FLOT1: variants seen among roughly 807,000 people sequenced by gnomAD.
The protein encoded by FLOT1 is flotillin 1.
A neutral mutation model predicts 58.4 loss-of-function variants in FLOT1; 40 were observed. The ratio of observed to expected loss-of-function variants is 0.69; its 90% confidence interval spans 0.53 to 0.89. The LOEUF is 0.89. FLOT1 is among the 40% of genes least tolerant of loss of function. The pLI is 0.00. For synonymous variants in FLOT1, 178 were observed against 204.2 expected (o/e 0.87, Z 1.09); for missense variants, 423 against 540.8 (o/e 0.78, Z 2.16).
chr6:30,740,928 C>A (rs79585365), intron 5 of FLOT1, 130 bp from the exon 6 acceptor site: 58,814 of 1,326,624 alleles, frequency 0.044, 2,209 homozygotes, highest in African/African-American at 0.16. Flanking sequence ...CTGGGATTAC[C>A]GACACCCATC....
intron 8 of FLOT1, among the ~76,000 whole-genome samples, chr6:30,735,216 A>C (rs1222765951): frequency 1.3e-5 from 2 of 152,008 alleles, no homozygotes; most frequent in Non-Finnish European, 2.9e-5. Flanking sequence ...GCATTCATGA[A>C]AGTTATAGTC....
intron 5 of FLOT1, 36 bp from the exon 6 acceptor site, chr6:30,740,834 GT>G (rs34375360): frequency 0.084 from 105,493 of 1,263,150 alleles, no homozygotes; most frequent in Non-Finnish European, 0.09. Context: ...AGGGATGTAA[GT>G]TTTTTTTTTT....
At position 30,742,515 on chromosome 6, in the gene FLOT1, T is replaced by C; in HGVS notation, c.-15+12A>G. ...CGGCAGCCCCAGGCTCCATCTCCCC[T>C]CCCCCACTCACCTTCCGGGACGCGG... On this transcript the variant is annotated intron_variant, in intron 1 of 12. Coordinates refer to ENST00000376389, the MANE Select transcript of FLOT1 (RefSeq NM_005803.4). The surrounding 1 kb of genome is among the most constrained non-coding windows in gnomAD (Gnocchi z 5.2). The C allele has an allele frequency of 8.1e-6, 3 of 368,706 alleles. No individual in the cohort carries two copies. In the South Asian group the frequency reaches 1.1e-4, roughly 14 times the overall value. 22.8% of individuals were successfully genotyped at this position (368,706 alleles called of 1,614,324 possible).
chr6:30,732,995 A>C (rs1447904054), intron 8 of FLOT1, among the ~76,000 whole-genome samples: 1 of 152,050 alleles, frequency 6.6e-6, no homozygotes, highest in African/African-American at 2.4e-5. Context: ...AAAGAATATA[A>C]AGACAATATT....
At chr6:30,735,353 TG>T in intron 8 of FLOT1, among the ~76,000 whole-genome samples, 1 of 151,808 alleles carries the variant, frequency 6.6e-6, no homozygotes, top group Admixed American at 6.6e-5. Flanking sequence ...AACTCACACC[TG>T]TAATCCCAGC....
At chr6:30,736,903 T>C (rs1777607508) in intron 8 of FLOT1, among the ~76,000 whole-genome samples, 1 of 151,866 alleles carries the variant, frequency 6.6e-6, no homozygotes, top group African/African-American at 2.4e-5. Flanking sequence ...TTGCTTCCTC[T>C]CTTTGCCCGT....
chr6:30,737,087 C>T lies in FLOT1; in HGVS notation c.723+3071G>A, dbSNP rs1777617951. Among the ~76,000 whole-genome samples, 1 of 152,064 alleles carries T rather than the reference C, an allele frequency of 6.6e-6. No individual in the cohort carries two copies. Among genetic ancestry groups the T allele is most frequent in the Admixed American group, 6.6e-5 (1 of 15,238 alleles). On this transcript the variant is annotated intron_variant, in intron 8 of 12. Transcript: ENST00000376389. This position sits in a 1 kb window ranked among gnomAD's most constrained non-coding sequence, Gnocchi z 4.4. ...CCTGCCTGCCTTTCCTCCTCACTCACAGCACACCAGCGCCCCCAGATCAGA... is the reference window on the plus strand; with the variant it reads ...CCTGCCTGCCTTTCCTCCTCACTCATAGCACACCAGCGCCCCCAGATCAGA...
At position 30,742,501 on chromosome 6, in the gene FLOT1, G is replaced by A. The variant is rs566289531; in HGVS notation, c.-15+26C>T. ...CTCTCCCTGCTTCTCGGCAGCCCCAGGCTCCATCTCCCCTCCCCCACTCAC... is the reference window on the plus strand; with the variant it reads ...CTCTCCCTGCTTCTCGGCAGCCCCAAGCTCCATCTCCCCTCCCCCACTCAC... On this transcript the variant is annotated intron_variant, in intron 1 of 12. Transcript: ENST00000376389. This position sits in a 1 kb window ranked among gnomAD's most constrained non-coding sequence, Gnocchi z 5.2. 2.0e-4 allele frequency: 89 copies of A among 442,658 alleles called. 1 individual carries two copies. In the South Asian group the frequency reaches 2.3e-3, roughly 12 times the overall value. The allele number at this position is 442,658 out of a possible 1,614,324, so 27.4% of individuals were successfully genotyped here.
In FLOT1 at chr6:30,730,817, A is replaced by AC. The variant is rs1238027705; in HGVS notation, c.906-91dup. 46 of 1,606,276 alleles carry AC rather than the reference A, an allele frequency of 2.9e-5. 1 individual carries two copies. Among genetic ancestry groups the AC allele is most frequent in the African/African-American group, 1.9e-4 (14 of 74,728 alleles). ...TGCTGCAGAGGCAGACGCTCCTGAA[A>AC]CCTGAAATCCATAGGAGTCCAGGTG... On this transcript the variant is annotated intron_variant, in intron 9 of 12. Coordinates refer to ENST00000376389, the MANE Select transcript of FLOT1 (RefSeq NM_005803.4).
At chr6:30,731,407 C>G (rs1012138669) in intron 8 of FLOT1, among the ~76,000 whole-genome samples, 1 of 149,564 alleles carries the variant, frequency 6.7e-6, no homozygotes, top group Non-Finnish European at 1.5e-5. Flanking sequence ...ATTGCTTGAA[C>G]CTGGGAGGCG....
In FLOT1 at chr6:30,742,320, TC is replaced by T. The variant is rs1778063094; in HGVS notation, c.-14-118del. 1.2e-6 allele frequency: 1 copy of T among 836,652 alleles called. No homozygotes were observed. Among genetic ancestry groups the T allele is most frequent in the South Asian group, 1.4e-5 (1 of 70,518 alleles). The allele number at this position is 836,652 out of a possible 1,614,324, so 51.8% of individuals were successfully genotyped here. On this transcript the variant is annotated intron_variant, in intron 1 of 12. Coordinates refer to ENST00000376389, the MANE Select transcript of FLOT1 (RefSeq NM_005803.4). The surrounding 1 kb of genome is among the most constrained non-coding windows in gnomAD (Gnocchi z 5.2). The stretch of plus-strand genomic sequence containing the variant: ...CCCAGTCTGCATCCGCCACGGCCCG[TC>T]CCTTCTACACCCATGGGTCCGCTAA...
rs149127648 is a variant in FLOT1, at chr6:30,740,881, G to C, written c.355-83C>G. 13 of 1,508,326 alleles carry C rather than the reference G, an allele frequency of 8.6e-6. No individual in the cohort carries two copies. In the African/African-American group the frequency reaches 1.7e-4, roughly 20 times the overall value. 93.4% of individuals were successfully genotyped at this position (1,508,326 alleles called of 1,614,324 possible). On this transcript the variant is annotated intron_variant, in intron 5 of 12. Transcript: ENST00000376389. ...TGCTCACTGCAACCTCTGCCTCCTG[G>C]GTTCAAGTGATTCTCCTGCCTCAGC...
In FLOT1 at chr6:30,727,882, G is replaced by A. The variant is rs750790553; in HGVS notation, c.*234C>T. ...TAAATAAGTTGAGGTGGGGTGGAGTGGGATCATCAGAAGGCTGACATGGGA... is the reference window on the plus strand; with the variant it reads ...TAAATAAGTTGAGGTGGGGTGGAGTAGGATCATCAGAAGGCTGACATGGGA... On this transcript the variant is annotated 3_prime_UTR_variant, in exon 13 of 13. Coordinates refer to ENST00000376389, the MANE Select transcript of FLOT1 (RefSeq NM_005803.4). 196 of 604,784 alleles carry A rather than the reference G, an allele frequency of 3.2e-4. 1 individual carries two copies. Among genetic ancestry groups the A allele is most frequent in the Non-Finnish European group, 5.3e-4 (178 of 337,896 alleles). 37.5% of individuals were successfully genotyped at this position (604,784 alleles called of 1,614,324 possible).
chr6:30,728,237 T>C, intron 12 of FLOT1, 92 bp from the exon 13 acceptor site: 3 of 1,046,742 alleles, frequency 2.9e-6, no homozygotes, highest in Non-Finnish European at 3.0e-6. Context: ...GAATGGGCTA[T>C]AGGCAGAACA....
rs761576844 is a variant in FLOT1 at position 30,731,021 on chromosome 6, T to C, written c.803A>G (p.Gln268Arg). 1.2e-6 allele frequency: 2 copies of C among 1,613,128 alleles called. No homozygotes were observed. Among genetic ancestry groups the C allele is most frequent in the South Asian group, 1.1e-5 (1 of 91,084 alleles). The change falls in exon 9 of 13, where the codon CAG (glutamine) becomes CGG (arginine). Residue 268 changes from glutamine to arginine, a missense_variant. Transcript: ENST00000376389. The part of the protein sequence containing the change: ...VVERAQQVAV[Q>R]EQEIARREKE... Reference sequence around the variant, plus strand: ...CTCCCGCCGGGCGATCTCCTGCTCCTGCACTGCCACCTGCTGGGCCCGCTC... The same window carrying C: ...CTCCCGCCGGGCGATCTCCTGCTCCCGCACTGCCACCTGCTGGGCCCGCTC...
chr6:30,736,753 C>A (rs1469336914), intron 8 of FLOT1, among the ~76,000 whole-genome samples: 1 of 151,524 alleles, frequency 6.6e-6, no homozygotes, highest in African/African-American at 2.4e-5. Flanking sequence ...GCCACCACGC[C>A]CAGCTAATTT....
At chr6:30,729,071 C>T (rs907197343) in intron 12 of FLOT1, among the ~76,000 whole-genome samples, 9 of 149,670 alleles carry the variant, frequency 6.0e-5, no homozygotes, top group Non-Finnish European at 8.8e-5. Context: ...AGCTACCGCG[C>T]CTGGAATTTT....
At chr6:30,736,190 T>C (rs530624563) in intron 8 of FLOT1, 5 of 152,210 alleles carry the variant, frequency 3.3e-5, no homozygotes, top group Admixed American at 6.5e-5. Context: ...CAGTTGAAGC[T>C]GTAGTGAGCT....
rs1414694655 is a variant in FLOT1 at position 30,741,402 on chromosome 6, G to C, written c.211-69C>G. 1.6e-5 allele frequency: 26 copies of C among 1,581,044 alleles called. No homozygotes were observed. The African/African-American group carries it at 3.4e-4, about 20-fold the overall frequency. On this transcript the variant is annotated intron_variant, in intron 4 of 12. Coordinates refer to ENST00000376389, the MANE Select transcript of FLOT1 (RefSeq NM_005803.4). This position sits in a 1 kb window ranked among gnomAD's most constrained non-coding sequence, Gnocchi z 5.9. ...TGAAGTCAGAGAAAAAGCAGAGAGA[G>C]AAGGGAGAGCCCTCTAAGAAATGCT...
Sources: gnomAD v4.1 joint callset for allele counts (sites outside exome capture counted in the v4.1 genomes callset) on GRCh38, gnomAD v4.1.1 for gene constraint, Gnocchi (gnomAD v3.1) non-coding constraint, MANE v1.5 for transcripts, NCBI Gene and HGNC (gene_info 2026-07-23, HGNC 2026-07-21) for gene names.